The following CPLX2 variants were observed in gnomAD, a reference collection of about 807,000 sequenced individuals.
CPLX2 encodes the protein complexin-2.
A neutral mutation model predicts 16.3 loss-of-function variants in CPLX2; 5 were observed. The observed-to-expected ratio is 0.31, with a 90% CI of 0.16 to 0.64. The LOEUF is 0.64. Ranked by LOEUF, CPLX2 falls within the 30% of genes least tolerant of loss-of-function variation. The probability of loss-of-function intolerance (pLI) is 0.79; values close to 1 mark genes in which losing one functional copy is unlikely to be tolerated. For missense variants in CPLX2, 144 were observed against 181.4 expected (o/e 0.79, Z 1.18); for synonymous variants, 89 against 73.2 (o/e 1.22, Z -1.10).
At chr5:175,836,329 G>A (rs568335788) in intron 2 of CPLX2, among the ~76,000 whole-genome samples, 15 of 151,984 alleles carry the variant, frequency 9.9e-5, no homozygotes, top group Non-Finnish European at 2.1e-4. Flanking sequence ...CAGCCTGGGC[G>A]ACAGAGCGAG....
intron 2 of CPLX2, among the ~76,000 whole-genome samples, chr5:175,839,868 T>C (rs1010078174): frequency 2.0e-5 from 3 of 152,256 alleles, no homozygotes; most frequent in Non-Finnish European, 2.9e-5. Context: ...TCCAATTATA[T>C]ATAAATCTCT....
intron 2 of CPLX2, among the ~76,000 whole-genome samples, chr5:175,812,543 G>A (rs1200669057): frequency 2.0e-5 from 3 of 152,170 alleles, no homozygotes; most frequent in African/African-American, 7.2e-5. Flanking sequence ...ATGGCAAAAT[G>A]GAAAATTTCA....
intron 2 of CPLX2, among the ~76,000 whole-genome samples, chr5:175,860,417 A>AAAGG (rs547289072): frequency 4.2e-5 from 6 of 142,724 alleles, no homozygotes; most frequent in East Asian, 3.9e-4. Flanking sequence ...AAAAATAAAG[A>AAAGG]AAGGAAGGAA....
At chr5:175,838,171 T>G (rs762101895) in intron 2 of CPLX2, among the ~76,000 whole-genome samples, 1 of 151,862 alleles carries the variant, frequency 6.6e-6, no homozygotes, top group Non-Finnish European at 1.5e-5. Flanking sequence ...GGGAGCGTCC[T>G]AATGGGTCCT....
At chr5:175,869,581 T>G (rs1489512683), upstream of CPLX2, among the ~76,000 whole-genome samples, 1 of 152,206 alleles carries the variant, frequency 6.6e-6, no homozygotes, top group East Asian at 1.9e-4. Flanking sequence ...AGCACTTCCT[T>G]AGCATCTACT....
Position 175,883,433 on chromosome 5 carries a change from G to A in CPLX2, c.*3388G>A, listed in dbSNP as rs1421340085. 6.6e-6 allele frequency: 1 copy of A among 152,380 alleles called. No homozygotes were observed. The highest frequency in any genetic ancestry group is 1.9e-4 in the East Asian group (1 of 5,192). The allele number at this position is 152,380 out of a possible 1,614,324, so 9.4% of individuals were successfully genotyped here. On this transcript the variant is annotated 3_prime_UTR_variant, in exon 4 of 4. Transcript: ENST00000393745. ...AGAGAGAGAGAACAGGGAGGATACA[G>A]AAGTATTGCAGCCCAGATCCCCTAT... is the stretch of plus-strand genomic sequence containing the variant.
At position 175,802,434 on chromosome 5, in the gene CPLX2, A is replaced by G. The variant is rs538210009; in HGVS notation, c.-169+5650A>G. On this transcript the variant is annotated intron_variant, in intron 1 of 4. Transcript: ENST00000359546. ...CAGACATTCAGTGTGGTAATTGCCA[A>G]TGCGGAGAAAATGTATCTCCACGTT... Among the ~76,000 whole-genome samples the G allele has an allele frequency of 1.4e-4, 21 of 152,348 alleles. No individual in the cohort carries two copies. In the South Asian group the frequency reaches 3.7e-3, roughly 27 times the overall value.
chr5:175,879,112 G>A, intron 3 of CPLX2, 29 bp downstream of exon 3: 1 of 1,547,320 alleles, frequency 6.5e-7, no homozygotes, highest in Non-Finnish European at 8.7e-7. Context: ...CCCGTCCTGG[G>A]GAGGGCCACA....
upstream of CPLX2, among the ~76,000 whole-genome samples, chr5:175,870,930 G>C (rs1267004249): frequency 6.6e-6 from 1 of 152,138 alleles, no homozygotes; most frequent in African/African-American, 2.4e-5. Flanking sequence ...TTTCCTGAGT[G>C]CTCCTGTGGC....
At position 175,882,597 on chromosome 5, in the gene CPLX2, C is replaced by T. The variant is rs1244116273; in HGVS notation, c.*2552C>T. 1 of 152,726 alleles carries T rather than the reference C, an allele frequency of 6.5e-6. No homozygotes were observed. Among genetic ancestry groups the T allele is most frequent in the African/African-American group, 2.4e-5 (1 of 41,458 alleles). 9.5% of individuals were successfully genotyped at this position (152,726 alleles called of 1,614,324 possible). A position where few individuals can be genotyped will look rare whatever the true frequency, so the allele number is the denominator to read the frequency against. On this transcript the variant is annotated 3_prime_UTR_variant, in exon 4 of 4. Coordinates refer to ENST00000393745, the MANE Select transcript of CPLX2 (RefSeq NM_001008220.2). ...TCCCTCTGTATTCCCAGAGTGGGAT[C>T]GGGGCTTTCAGCCCCACCCTGATGC...
intron 2 of CPLX2, among the ~76,000 whole-genome samples, chr5:175,839,689 T>A (rs1758913120): frequency 6.6e-6 from 1 of 152,360 alleles, no homozygotes; most frequent in African/African-American, 2.4e-5. Flanking sequence ...AAACCAAGAT[T>A]ACATTAAACA....
chr5:175,868,278 C>G (rs887505158), upstream of CPLX2, among the ~76,000 whole-genome samples: 1 of 152,190 alleles, frequency 6.6e-6, no homozygotes, highest in Non-Finnish European at 1.5e-5. Context: ...AGGCACCTTA[C>G]GCAAGCTCTC....
At chr5:175,806,314 G>C (rs1031886406) in intron 1 of CPLX2, among the ~76,000 whole-genome samples, 1 of 151,798 alleles carries the variant, frequency 6.6e-6, no homozygotes, top group Non-Finnish European at 1.5e-5. Context: ...AGCCCTTCCT[G>C]CCTCACTATC....
chr5:175,879,875 G>A lies in CPLX2; in HGVS notation c.235G>A (p.Glu79Lys), dbSNP rs774954265. 1 of 1,612,898 alleles carries A rather than the reference G, an allele frequency of 6.2e-7. No individual in the cohort carries two copies. Among genetic ancestry groups the A allele is most frequent in the Non-Finnish European group, 8.5e-7 (1 of 1,179,410 alleles). The change falls in exon 4 of 4, where the codon GAA (glutamate) becomes AAA (lysine). Residue 79 changes from glutamate to lysine, a missense_variant. Glu to Lys is a moderately conservative substitution (Grantham distance 56). Transcript: ENST00000393745. ...KYGLKKKEEK[E>K]AEEKAALEQP... is the part of the protein sequence containing the mutation. ...TGGGCTGAAGAAGAAGGAGGAGAAG[G>A]AAGCAGAGGAGAAAGCAGCCCTGGA...
chr5:175,808,558 G>A (rs1758255429), intron 1 of CPLX2, among the ~76,000 whole-genome samples: 1 of 152,160 alleles, frequency 6.6e-6, no homozygotes, highest in Non-Finnish European at 1.5e-5. Flanking sequence ...GAGGCCAGTA[G>A]TATTAGGCAT....
chr5:175,841,769 T>A (rs902771085), intron 2 of CPLX2, among the ~76,000 whole-genome samples: 1 of 152,204 alleles, frequency 6.6e-6, no homozygotes, highest in South Asian at 2.1e-4. Context: ...TGAATGGGAA[T>A]CCCAGCTCTC....
At chr5:175,823,762 T>G (rs899290254) in intron 2 of CPLX2, among the ~76,000 whole-genome samples, 3 of 152,170 alleles carry the variant, frequency 2.0e-5, no homozygotes, top group Non-Finnish European at 4.4e-5. Context: ...TTCCTTCATT[T>G]TATGGCAGCT....
intron 2 of CPLX2, among the ~76,000 whole-genome samples, chr5:175,812,348 C>G (rs1758327144): frequency 6.6e-6 from 1 of 152,172 alleles, no homozygotes; most frequent in Admixed American, 6.5e-5. Flanking sequence ...TGCTCACACG[C>G]TTACTGCACT....
At position 175,810,482 on chromosome 5, in the gene CPLX2, G is replaced by T. The variant is rs1758294110; in HGVS notation, c.-89+1414G>T. ...TGAGCACTTGCACCTTTGGGCTCTT[G>T]CAGGACAAGAGCTGACTCCAGCTTG... On this transcript the variant is annotated intron_variant, in intron 2 of 4. Coordinates refer to the CPLX2 transcript ENST00000359546. Among the ~76,000 whole-genome samples, 3 of 152,176 alleles carry T rather than the reference G, an allele frequency of 2.0e-5. No individual in the cohort carries two copies. In the South Asian group the frequency reaches 6.2e-4, roughly 31 times the overall value.
Sources: allele counts gnomAD v4.1 joint callset (sites outside exome capture counted in the v4.1 genomes callset), GRCh38; gene constraint gnomAD v4.1.1; transcripts MANE v1.5; gene names NCBI Gene and HGNC (gene_info 2026-07-23, HGNC 2026-07-21).